The following RELN variants were observed in gnomAD, a reference collection of about 807,000 sequenced individuals.
RELN encodes reelin.
In RELN, 108 loss-of-function variants were observed where a neutral mutation model predicts 427.6. The observed-to-expected ratio is 0.25, with a 90% CI of 0.22 to 0.30. The LOEUF (loss-of-function observed/expected upper bound fraction) is 0.30. RELN is among the 10% of genes least tolerant of loss of function. RELN has a pLI of 1.00. For synonymous variants in RELN, 1,524 were observed against 1,513.4 expected (o/e 1.01, Z -0.16); for missense variants, 3,715 against 4,302.8 (o/e 0.86, Z 3.82).
At chr7:103,683,935 C>T (rs1833707528) in intron 10 of RELN, among the ~76,000 whole-genome samples, 2 of 152,270 alleles carry the variant, frequency 1.3e-5, no homozygotes, top group East Asian at 1.9e-4. Context: ...GCTTGCTCTG[C>T]TCCTCACCAT....
intron 21 of RELN, among the ~76,000 whole-genome samples, chr7:103,611,227 T>C (rs1185356829): frequency 6.6e-6 from 1 of 152,168 alleles, no homozygotes; most frequent in East Asian, 1.9e-4. Context: ...TCTTTGTTTC[T>C]AAAGACAAGA....
At chr7:103,560,145 CAT>C (rs1245036458) in intron 36 of RELN, among the ~76,000 whole-genome samples, 4 of 152,188 alleles carry the variant, frequency 2.6e-5, no homozygotes, top group African/African-American at 4.8e-5. Flanking sequence ...AGTTCACAGA[CAT>C]ATGTTTCTTT....
intron 1 of RELN, among the ~76,000 whole-genome samples, chr7:103,957,257 AAATG>A (rs1796452273): frequency 2.0e-5 from 3 of 152,216 alleles, no homozygotes; most frequent in African/African-American, 4.8e-5. Flanking sequence ...AGAAGAAAAT[AAATG>A]AAGGAAAACG....
chr7:103,550,082 C>T (rs10274446), intron 41 of RELN, among the ~76,000 whole-genome samples: 4,272 of 152,168 alleles, frequency 0.028, 207 homozygotes, highest in African/African-American at 0.098. Context: ...CTGGCATAAT[C>T]GCAAGAATTA....
intron 1 of RELN, among the ~76,000 whole-genome samples, chr7:103,944,969 G>GT (rs1796190083): frequency 6.6e-6 from 1 of 152,020 alleles, no homozygotes. Flanking sequence ...AAAAATCCCA[G>GT]TCCCCAGGTA....
intron 6 of RELN, among the ~76,000 whole-genome samples, chr7:103,748,682 G>C (rs566084791): frequency 6.6e-6 from 1 of 152,270 alleles, no homozygotes; most frequent in Admixed American, 6.5e-5. Flanking sequence ...AGGATGAAAT[G>C]ATTATTTTCT....
At chr7:103,694,467 AGATGAT>A (rs139140239) in intron 10 of RELN, among the ~76,000 whole-genome samples, 3,792 of 148,772 alleles carry the variant, frequency 0.025, 180 homozygotes, top group African/African-American at 0.089. Flanking sequence ...CAGTTAAATG[AGATGAT>A]GATGATGATG....
Position 103,753,245 on chromosome 7 carries a change from C to G in RELN, c.545-31G>C, listed in dbSNP as rs371821520. ...TCAAGAGAGGAAAGAAGAAAGACAA[C>G]TGATCAGGAATGAAAGCAAAATCCA... On this transcript the variant is annotated intron_variant, in intron 4 of 64. Coordinates refer to ENST00000428762, the MANE Select transcript of RELN (RefSeq NM_005045.4). The G allele has an allele frequency of 2.5e-6, 4 of 1,613,188 alleles. No homozygotes were observed. In the African/African-American group the frequency reaches 4.0e-5, roughly 16 times the overall value.
intron 1 of RELN, among the ~76,000 whole-genome samples, chr7:103,967,789 T>C (rs1461792016): frequency 2.6e-5 from 4 of 152,200 alleles, no homozygotes; most frequent in East Asian, 1.9e-4. Context: ...CACTCAGGCC[T>C]AAACTACCAT....
chr7:103,532,441 C>T (rs535834956), intron 46 of RELN, among the ~76,000 whole-genome samples: 1 of 151,026 alleles, frequency 6.6e-6, no homozygotes, highest in Non-Finnish European at 1.5e-5. Context: ...CACATGGAAC[C>T]CTGAACTTAA....
At chr7:103,903,873 CATGTGCAGA>C (rs1282942671) in intron 2 of RELN, among the ~76,000 whole-genome samples, 1 of 151,638 alleles carries the variant, frequency 6.6e-6, no homozygotes, top group African/African-American at 2.4e-5. Context: ...TTCCGGGATA[CATGTGCAGA>C]ATGTGCAGGT....
chr7:103,490,257 T>C (rs542117960), intron 59 of RELN, among the ~76,000 whole-genome samples: 14 of 152,326 alleles, frequency 9.2e-5, no homozygotes, highest in Non-Finnish European at 1.9e-4. Context: ...TCCTGCAGCT[T>C]TGTGTAACCT....
intron 4 of RELN, among the ~76,000 whole-genome samples, chr7:103,769,708 T>G (rs1025462649): frequency 1.1e-4 from 17 of 152,230 alleles, no homozygotes; most frequent in African/African-American, 4.1e-4. Context: ...CTTCTGGGCC[T>G]TGGTGTCCTC....
intron 57 of RELN, 125 bp downstream of exon 57, chr7:103,495,598 C>T: frequency 3.2e-6 from 3 of 924,052 alleles, no homozygotes; most frequent in Non-Finnish European, 3.4e-6. Flanking sequence ...CTCTTTTATT[C>T]ATAAGATAAA....
At chr7:103,892,756 G>A (rs1268364695) in intron 2 of RELN, among the ~76,000 whole-genome samples, 1 of 152,092 alleles carries the variant, frequency 6.6e-6, no homozygotes, top group African/African-American at 2.4e-5. Context: ...CACTTTTATG[G>A]TACACTTTAA....
intron 6 of RELN, among the ~76,000 whole-genome samples, chr7:103,736,501 C>G (rs1218500100): frequency 1.3e-5 from 2 of 152,122 alleles, no homozygotes; most frequent in African/African-American, 4.8e-5. Context: ...CCATTTATAG[C>G]TCATTCTTTC....
At chr7:103,940,481 C>T (rs1390508695) in intron 1 of RELN, among the ~76,000 whole-genome samples, 1 of 152,122 alleles carries the variant, frequency 6.6e-6, no homozygotes, top group Non-Finnish European at 1.5e-5. Flanking sequence ...TGAAAGTAAT[C>T]ACTAAAAACA....
chr7:103,963,257 C>A (rs994956950), intron 1 of RELN, among the ~76,000 whole-genome samples: 1 of 151,880 alleles, frequency 6.6e-6, no homozygotes, highest in Non-Finnish European at 1.5e-5. Flanking sequence ...TAAGACAAAC[C>A]TTAAACCCAC....
chr7:103,866,267 C>A (rs1473378841), intron 2 of RELN, among the ~76,000 whole-genome samples: 1 of 152,088 alleles, frequency 6.6e-6, no homozygotes, highest in African/African-American at 2.4e-5. Context: ...AAGAGCACTA[C>A]AGCTTTAATA....
Sources: gnomAD v4.1 joint callset for allele counts (sites outside exome capture counted in the v4.1 genomes callset) on GRCh38, gnomAD v4.1.1 for gene constraint, MANE v1.5 for transcripts, NCBI Gene and HGNC (gene_info 2026-07-23, HGNC 2026-07-21) for gene names.